ABLIM1: variants seen among roughly 807,000 people sequenced by gnomAD.
The protein encoded by ABLIM1 is actin binding LIM protein 1.
ABLIM1 carries 40 observed loss-of-function variants against 107.0 expected under a neutral mutation model. The ratio of observed to expected loss-of-function variants is 0.37; its 90% confidence interval spans 0.29 to 0.49. The LOEUF is 0.49. Among genes scored for constraint, ABLIM1 ranks in the 20% least tolerant of loss-of-function variants. ABLIM1 has a pLI of 0.97. For missense variants in ABLIM1, 857 were observed against 1,008.5 expected (o/e 0.85, Z 2.04); for synonymous variants, 357 against 357.3 (o/e 1.00, Z 0.01).
intron 6 of ABLIM1, among the ~76,000 whole-genome samples, chr10:114,529,472 T>C (rs2065227854): frequency 1.3e-5 from 2 of 152,288 alleles, no homozygotes; most frequent in South Asian, 4.1e-4. Flanking sequence ...TTTCTCTTTT[T>C]GGATTTTATT....
intron 1 of ABLIM1, among the ~76,000 whole-genome samples, chr10:114,724,871 A>G (rs1343558275): frequency 6.6e-6 from 1 of 152,162 alleles, no homozygotes; most frequent in African/African-American, 2.4e-5. Flanking sequence ...CCTTGACCAC[A>G]CCAGGCAGAG....
chr10:114,583,947 A>T (rs1303059335), intron 2 of ABLIM1, among the ~76,000 whole-genome samples: 1 of 152,074 alleles, frequency 6.6e-6, no homozygotes, highest in African/African-American at 2.4e-5. Flanking sequence ...GATGGGAACA[A>T]TGGACACTGG....
intron 1 of ABLIM1, among the ~76,000 whole-genome samples, chr10:114,709,175 T>G (rs1349007203): frequency 6.6e-6 from 1 of 152,170 alleles, no homozygotes; most frequent in African/African-American, 2.4e-5. Context: ...TCTAGAGTCA[T>G]GATATGGAAA....
intron 1 of ABLIM1, among the ~76,000 whole-genome samples, chr10:114,749,422 T>C (rs948528681): frequency 2.0e-5 from 3 of 147,540 alleles, no homozygotes; most frequent in African/African-American, 7.6e-5. Flanking sequence ...ATTCATGTAG[T>C]TATTCACAAA....
rs1186523870 is a variant in ABLIM1 at position 114,436,299 on chromosome 10, C to CCTGTCG, written c.2297_2298insCGACAG (p.Trp766delinsCysAspArg). 2 of 1,613,844 alleles carry CCTGTCG rather than the reference C, an allele frequency of 1.2e-6. No individual in the cohort carries two copies. The highest frequency in any genetic ancestry group is 1.7e-6 in the Non-Finnish European group (2 of 1,179,972). On this transcript the variant is annotated protein_altering_variant, in exon 23 of 23. Transcript: ENST00000533213. The stretch of plus-strand genomic sequence containing the variant: ...CTTTTTTCTTCATGTCGTTGCGTCT[C>CCTGTCG]CAAAGAGGTAACCTGTCAAACTCCT...
At chr10:114,582,203 A>G (rs1019825018) in intron 2 of ABLIM1, among the ~76,000 whole-genome samples, 6 of 152,168 alleles carry the variant, frequency 3.9e-5, no homozygotes, top group African/African-American at 1.4e-4. Context: ...AAACCAGTAT[A>G]ATTTCTACAC....
the ABLIM1 span, among the ~76,000 whole-genome samples, chr10:114,786,583 C>T: frequency 6.6e-6 from 1 of 152,178 alleles, no homozygotes; most frequent in South Asian, 2.1e-4. Flanking sequence ...TGTCATAGGT[C>T]TCTTGAAATT....
chr10:114,541,946 A>T (rs572001374), intron 6 of ABLIM1, among the ~76,000 whole-genome samples: 1 of 152,252 alleles, frequency 6.6e-6, no homozygotes, highest in African/African-American at 2.4e-5. Context: ...ACACACACAC[A>T]CACAGAGCCC....
At chr10:114,544,323 G>A (rs535348907) in intron 6 of ABLIM1, among the ~76,000 whole-genome samples, 11 of 152,318 alleles carry the variant, frequency 7.2e-5, no homozygotes, top group African/African-American at 2.4e-4. Context: ...ACAGGCCTGG[G>A]AGAAGTAGGG....
chr10:114,462,986 C>A, intron 12 of ABLIM1: 1 of 1,300,284 alleles, frequency 7.7e-7, no homozygotes, highest in African/African-American at 1.5e-5. Context: ...TTAGCCTTCC[C>A]AGGGTGCTAA....
chr10:114,554,905 C>T (rs2137991173), intron 4 of ABLIM1, among the ~76,000 whole-genome samples: 1 of 152,206 alleles, frequency 6.6e-6, no homozygotes, highest in South Asian at 2.1e-4. Flanking sequence ...AACAGAGGGA[C>T]CCTGGGCAAA....
chr10:114,571,158 A>G, intron 4 of ABLIM1, 139 bp downstream of exon 4: 1 of 706,910 alleles, frequency 1.4e-6, no homozygotes. Flanking sequence ...TTTTAATGTC[A>G]TCTTTGGAGA....
At chr10:114,596,620 C>T (rs1350165614) in intron 2 of ABLIM1, among the ~76,000 whole-genome samples, 1 of 152,216 alleles carries the variant, frequency 6.6e-6, no homozygotes, top group African/African-American at 2.4e-5. Flanking sequence ...AACACAATTT[C>T]TGCTCACCAA....
At chr10:114,643,368 A>G (rs968003068) in intron 1 of ABLIM1, among the ~76,000 whole-genome samples, 7 of 152,192 alleles carry the variant, frequency 4.6e-5, no homozygotes, top group African/African-American at 1.7e-4. Context: ...TCTTCATCTA[A>G]GCATCTCACA....
chr10:114,777,049 C>A, the ABLIM1 span, among the ~76,000 whole-genome samples: 13 of 151,992 alleles, frequency 8.6e-5, no homozygotes, highest in African/African-American at 3.1e-4. Flanking sequence ...GTTCTCTATC[C>A]CCACCCTCTC....
intron 4 of ABLIM1, among the ~76,000 whole-genome samples, chr10:114,551,555 G>A (rs2068064524): frequency 6.6e-6 from 1 of 152,104 alleles, no homozygotes; most frequent in Admixed American, 6.5e-5. Flanking sequence ...ACTGGCCCAG[G>A]GCCAATCAGA....
At chr10:114,547,587 C>A in intron 5 of ABLIM1, 63 bp downstream of exon 5, 1 of 1,600,874 alleles carries the variant, frequency 6.2e-7, no homozygotes, top group Non-Finnish European at 8.5e-7. Context: ...AGACCAGGAC[C>A]TGCAGAAGAA....
intron 4 of ABLIM1, among the ~76,000 whole-genome samples, chr10:114,569,090 C>T (rs1475631978): frequency 6.6e-6 from 1 of 151,956 alleles, no homozygotes; most frequent in African/African-American, 2.4e-5. Flanking sequence ...AAGCAAAAAA[C>T]CAGGAGCCAA....
chr10:114,562,712 A>T (rs2069936744), intron 4 of ABLIM1, among the ~76,000 whole-genome samples: 1 of 152,236 alleles, frequency 6.6e-6, no homozygotes, highest in East Asian at 1.9e-4. Context: ...TCATTCAAAC[A>T]GCAATCAGAC....
Sources: allele counts gnomAD v4.1 joint callset (sites outside exome capture counted in the v4.1 genomes callset), GRCh38; gene constraint gnomAD v4.1.1; transcripts MANE v1.5; gene names NCBI Gene and HGNC (gene_info 2026-07-23, HGNC 2026-07-21).